SMIM45: variants seen among roughly 807,000 people sequenced by gnomAD.
The protein encoded by SMIM45 is small integral membrane protein 45.
At chr22:41,947,134 T>G in the SMIM45 span, 1 of 1,566,008 alleles carries the variant, frequency 6.4e-7, no homozygotes, top group Non-Finnish European at 8.8e-7. Context: ...CAAACCGCCC[T>G]GAGTCCAGCC....
chr22:41,947,009 C>T, the SMIM45 span: 6 of 1,612,494 alleles, frequency 3.7e-6, no homozygotes, highest in Admixed American at 3.3e-5. Context: ...AGCAGGGCCG[C>T]CTGCACCTAC....
the SMIM45 span, chr22:41,958,543 T>G: frequency 8.5e-6 from 3 of 353,950 alleles, no homozygotes; most frequent in Admixed American, 3.5e-5. Context: ...GGAGATGAGA[T>G]GTGTATATGT....
chr22:41,958,081 G>A, the SMIM45 span: 19 of 314,352 alleles, frequency 6.0e-5, 1 homozygote, highest in East Asian at 1.6e-3. Context: ...GCACTTAGGT[G>A]CCTGGCTGGC....
At chr22:41,948,212 C>CTAA in the SMIM45 span, among the ~76,000 whole-genome samples, 3 of 152,154 alleles carry the variant, frequency 2.0e-5, no homozygotes, top group South Asian at 6.2e-4. Flanking sequence ...GTCCAGCACT[C>CTAA]TAAAAGTCCC....
At chr22:41,948,127 T>C in the SMIM45 span, among the ~76,000 whole-genome samples, 1 of 152,226 alleles carries the variant, frequency 6.6e-6, no homozygotes, top group African/African-American at 2.4e-5. Flanking sequence ...TGCCAACAGT[T>C]ATATAATAAC....
chr22:41,948,773 G>A, the SMIM45 span, among the ~76,000 whole-genome samples: 2 of 151,928 alleles, frequency 1.3e-5, no homozygotes, highest in African/African-American at 2.4e-5. Flanking sequence ...TTTTAAATTA[G>A]CTGAGCAGGG....
chr22:41,951,562 G>C, the SMIM45 span, among the ~76,000 whole-genome samples: 2 of 152,224 alleles, frequency 1.3e-5, no homozygotes, highest in Non-Finnish European at 2.9e-5. Context: ...CTGTGGGGTA[G>C]ATGAGGCAGA....
chr22:41,958,150 G>A, the SMIM45 span: 1 of 359,414 alleles, frequency 2.8e-6, no homozygotes, highest in Non-Finnish European at 5.6e-6. Flanking sequence ...CCAAGCTCAG[G>A]GGCATCCTCC....
chr22:41,951,069 G>A, the SMIM45 span, among the ~76,000 whole-genome samples: 2 of 152,254 alleles, frequency 1.3e-5, no homozygotes, highest in Non-Finnish European at 2.9e-5. Flanking sequence ...CATACCTGAA[G>A]AGCCCCTAGA....
At chr22:41,951,565 G>C in the SMIM45 span, among the ~76,000 whole-genome samples, 1 of 152,042 alleles carries the variant, frequency 6.6e-6, no homozygotes, top group Admixed American at 6.6e-5. Flanking sequence ...TGGGGTAGAT[G>C]AGGCAGAATG....
chr22:41,947,325 A>T, the SMIM45 span, among the ~76,000 whole-genome samples: 1 of 149,796 alleles, frequency 6.7e-6, no homozygotes. Context: ...GTTTTTAGTG[A>T]TTCCTTTGTT....
chr22:41,957,298 A>G, the SMIM45 span, among the ~76,000 whole-genome samples: 1 of 144,768 alleles, frequency 6.9e-6, no homozygotes, highest in Non-Finnish European at 1.5e-5. Flanking sequence ...GGTTCACGAC[A>G]TTCTCCTGCG....
the SMIM45 span, among the ~76,000 whole-genome samples, chr22:41,957,360 A>AT: frequency 0.059 from 8,267 of 139,072 alleles, 793 homozygotes; most frequent in African/African-American, 0.21. Flanking sequence ...CGCCCGGCTA[A>AT]TTTTTTTTTT....
At chr22:41,950,797 C>T in the SMIM45 span, among the ~76,000 whole-genome samples, 1 of 152,170 alleles carries the variant, frequency 6.6e-6, no homozygotes, top group Non-Finnish European at 1.5e-5. Context: ...AGATCGAGAC[C>T]ATCCTGGCCA....
chr22:41,950,208 G>A, the SMIM45 span, among the ~76,000 whole-genome samples: 2 of 152,188 alleles, frequency 1.3e-5, no homozygotes, highest in Admixed American at 6.5e-5. Context: ...ATACTTTACA[G>A]ATTTATTGAG....
chr22:41,952,043 G>C, the SMIM45 span: 1 of 152,518 alleles, frequency 6.6e-6, no homozygotes, highest in Non-Finnish European at 1.5e-5. Flanking sequence ...AGAGAAGGCT[G>C]GTTGCCAGGG....
At chr22:41,957,535 T>A in the SMIM45 span, 1 of 152,816 alleles carries the variant, frequency 6.5e-6, no homozygotes, top group Non-Finnish European at 1.5e-5. Context: ...TTCCCCGCCC[T>A]TGCTCTCCTG....
the SMIM45 span, among the ~76,000 whole-genome samples, chr22:41,950,431 C>T: frequency 2.0e-5 from 3 of 152,222 alleles, no homozygotes; most frequent in Non-Finnish European, 2.9e-5. Context: ...CAGGTGGTGG[C>T]TCACGCCTGT....
At chr22:41,947,029 G>T in the SMIM45 span, 1 of 1,612,900 alleles carries the variant, frequency 6.2e-7, no homozygotes, top group Non-Finnish European at 8.5e-7. Context: ...CCAAGATGGT[G>T]GCCGTGTTCA....
Sources: allele counts gnomAD v4.1 joint callset (sites outside exome capture counted in the v4.1 genomes callset), GRCh38; gene constraint gnomAD v4.1.1; transcripts MANE v1.5; gene names NCBI Gene and HGNC (gene_info 2026-07-23, HGNC 2026-07-21).